Variants in FGF12 observed in about 807,000 individuals in gnomAD.
FGF12 encodes the protein fibroblast growth factor 12B.
In FGF12, 14 loss-of-function variants were observed where a neutral mutation model predicts 23.6. The observed-to-expected ratio is 0.59, with a 90% CI of 0.39 to 0.93. The LOEUF is 0.93. Among genes scored for constraint, FGF12 ranks in the 40% least tolerant of loss-of-function variants. FGF12 has a pLI of 0.00. For synonymous variants in FGF12, 62 were observed against 77.3 expected, an observed-to-expected ratio of 0.80 and a Z score of 1.04; for missense variants, 175 against 217.8, an observed-to-expected ratio of 0.80 and a Z score of 1.24.
At chr3:192,466,078 C>T (rs564544113) in intron 2 of FGF12, among the ~76,000 whole-genome samples, 41 of 152,194 alleles carry the variant, frequency 2.7e-4, no homozygotes, top group Non-Finnish European at 5.1e-4. Flanking sequence ...CTCCTACATA[C>T]CTAGGCTATG....
chr3:192,665,016 T>A (rs1281781964), intron 2 of FGF12, among the ~76,000 whole-genome samples: 3 of 152,162 alleles, frequency 2.0e-5, no homozygotes, highest in Non-Finnish European at 4.4e-5. Flanking sequence ...TTCAGTAAGA[T>A]TTTTAGTGCA....
rs1184867655 is a variant in FGF12, at chr3:192,727,292, C to T, written c.-99G>A. On this transcript the variant is annotated 5_prime_UTR_variant, in exon 2 of 6. Coordinates refer to ENST00000445105, the MANE Select transcript of FGF12 (RefSeq NM_004113.6). ...ATCTGGGAAGCCAATCTGATGATTT[C>T]GCCCGTACTTCCTTCCTTCCCCTCA... 3 of 1,552,060 alleles carry T rather than the reference C, an allele frequency of 1.9e-6. No homozygotes were observed. Among genetic ancestry groups the T allele is most frequent in the Non-Finnish European group, 2.6e-6 (3 of 1,147,198 alleles).
chr3:192,243,792 C>T (rs1382907278), intron 4 of FGF12, among the ~76,000 whole-genome samples: 2 of 151,904 alleles, frequency 1.3e-5, no homozygotes, highest in East Asian at 3.9e-4. Flanking sequence ...ACTTAAAATG[C>T]CATAAACCAA....
intron 4 of FGF12, among the ~76,000 whole-genome samples, chr3:192,293,978 A>T (rs1240800425): frequency 6.6e-6 from 1 of 152,110 alleles, no homozygotes; most frequent in Admixed American, 6.6e-5. Context: ...TATTCACTCA[A>T]GTTGTGGGAG....
intron 2 of FGF12, among the ~76,000 whole-genome samples, chr3:192,508,749 C>CA (rs1408641027): frequency 6.6e-5 from 10 of 152,154 alleles, no homozygotes; most frequent in Non-Finnish European, 1.3e-4. Context: ...GTAAAATATA[C>CA]AGAGATACTA....
intron 2 of FGF12, among the ~76,000 whole-genome samples, chr3:192,580,439 T>C (rs557774662): frequency 6.6e-5 from 10 of 152,180 alleles, no homozygotes; most frequent in Non-Finnish European, 1.3e-4. Flanking sequence ...TAGTGACCGC[T>C]GAACTGTGGA....
chr3:192,465,026 C>T (rs1722971738), intron 2 of FGF12, among the ~76,000 whole-genome samples: 1 of 152,128 alleles, frequency 6.6e-6, no homozygotes, highest in Admixed American at 6.5e-5. Context: ...TAATATAACA[C>T]AGTACAACTT....
chr3:192,650,111 GGC>G (rs1221695762), intron 2 of FGF12, among the ~76,000 whole-genome samples: 2 of 152,206 alleles, frequency 1.3e-5, no homozygotes, highest in East Asian at 3.9e-4. Flanking sequence ...GAGAGTCATG[GGC>G]GAAGCCCCAA....
chr3:192,432,637 A>G (rs1290639416), intron 2 of FGF12, among the ~76,000 whole-genome samples: 3 of 147,992 alleles, frequency 2.0e-5, no homozygotes, highest in Non-Finnish European at 4.5e-5. Context: ...AAAAAAAAAA[A>G]AAAAAGAAAG....
At chr3:192,390,489 T>C (rs1720245162) in intron 2 of FGF12, among the ~76,000 whole-genome samples, 2 of 152,300 alleles carry the variant, frequency 1.3e-5, no homozygotes, top group Non-Finnish European at 1.5e-5. Context: ...TGAAGAATAA[T>C]CAGGGATTCA....
At chr3:192,663,556 C>T (rs1448397922) in intron 2 of FGF12, among the ~76,000 whole-genome samples, 1 of 152,166 alleles carries the variant, frequency 6.6e-6, no homozygotes, top group Non-Finnish European at 1.5e-5. Context: ...CCTTCCATGT[C>T]ATCTCTCTGG....
chr3:192,335,199 A>C (rs529501295), intron 4 of FGF12, among the ~76,000 whole-genome samples, 162 bp downstream of exon 4: 1 of 152,202 alleles, frequency 6.6e-6, no homozygotes, highest in Non-Finnish European at 1.5e-5. Flanking sequence ...ATGGTCCTTA[A>C]CACTCTAAAT....
At chr3:192,632,337 G>T (rs1224508271) in intron 2 of FGF12, among the ~76,000 whole-genome samples, 1 of 152,194 alleles carries the variant, frequency 6.6e-6, no homozygotes, top group East Asian at 1.9e-4. Flanking sequence ...AAAAAGAAAT[G>T]ATTTTGACTA....
At chr3:192,296,052 G>A (rs1421059696) in intron 4 of FGF12, among the ~76,000 whole-genome samples, 2 of 106,152 alleles carry the variant, frequency 1.9e-5, no homozygotes, top group Non-Finnish European at 3.9e-5. Flanking sequence ...GACTAACTTT[G>A]TTTTTCTTTC....
intron 2 of FGF12, among the ~76,000 whole-genome samples, chr3:192,518,370 A>G (rs1724732125): frequency 6.6e-6 from 1 of 152,156 alleles, no homozygotes; most frequent in South Asian, 2.1e-4. Context: ...TTCTTTTTAA[A>G]AATAATTACT....
At chr3:192,345,397 TATAAC>T (rs1455899054) in intron 3 of FGF12, among the ~76,000 whole-genome samples, 1 of 143,266 alleles carries the variant, frequency 7.0e-6, no homozygotes, top group Non-Finnish European at 1.5e-5. Context: ...GCTCTTAAGA[TATAAC>T]ATAGGCCGGG....
At chr3:192,296,062 C>CTTTTTTTTTTTTTT (rs34021285) in intron 4 of FGF12, among the ~76,000 whole-genome samples, 39 of 78,086 alleles carry the variant, frequency 5.0e-4, no homozygotes, top group Non-Finnish European at 5.9e-4. Context: ...GTTTTTCTTT[C>CTTTTTTTTTTTTTT]TTTTTTTTTT....
At chr3:192,155,433 T>C (rs945367633) in intron 5 of FGF12, among the ~76,000 whole-genome samples, 1 of 152,216 alleles carries the variant, frequency 6.6e-6, no homozygotes, top group Non-Finnish European at 1.5e-5. Context: ...TAGGGCCCAC[T>C]GTTTATCTAA....
chr3:192,694,247 T>G (rs1718035558), intron 2 of FGF12, among the ~76,000 whole-genome samples: 1 of 152,086 alleles, frequency 6.6e-6, no homozygotes, highest in South Asian at 2.1e-4. Context: ...ACATAAAAAA[T>G]GTTGGCAAGG....
Sources: allele counts gnomAD v4.1 joint callset (sites outside exome capture counted in the v4.1 genomes callset), GRCh38; gene constraint gnomAD v4.1.1; transcripts MANE v1.5; gene names NCBI Gene and HGNC (gene_info 2026-07-23, HGNC 2026-07-21).